AANAT: variants seen among roughly 807,000 people sequenced by gnomAD.
The protein encoded by AANAT is aralkylamine N-acetyltransferase, also known as serotonin N-acetyltransferase.
A neutral mutation model predicts 15.6 loss-of-function variants in AANAT; 11 were observed. The ratio of observed to expected loss-of-function variants is 0.71; its 90% CI spans 0.44 to 1.17. AANAT has a LOEUF of 1.17. Among genes scored for constraint, AANAT ranks in the 50% most tolerant of loss-of-function variants. AANAT has a pLI of 0.00. For synonymous variants in AANAT, 139 were observed against 131.5 expected (o/e 1.06, Z -0.39); for missense variants, 286 against 296.3 (o/e 0.97, Z 0.26).
At chr17:76,461,350 C>T (rs1376848677) in intron 2 of AANAT, among the ~76,000 whole-genome samples, 1 of 151,804 alleles carries the variant, frequency 6.6e-6, no homozygotes, top group Non-Finnish European at 1.5e-5. Flanking sequence ...CATCCCTCTC[C>T]AAACACTGCC....
chr17:76,466,794 T>C (rs1252855790), upstream of AANAT, among the ~76,000 whole-genome samples: 2 of 152,176 alleles, frequency 1.3e-5, no homozygotes, highest in Non-Finnish European at 2.9e-5. Flanking sequence ...TAGCAAGTGC[T>C]GTAAGCAGTG....
At chr17:76,463,873 T>G (rs2073412653), upstream of AANAT, among the ~76,000 whole-genome samples, 1 of 152,170 alleles carries the variant, frequency 6.6e-6, no homozygotes, top group Non-Finnish European at 1.5e-5. Context: ...ATGATATCAG[T>G]TATCCGCTCA....
chr17:76,468,712 A>T lies in AANAT; in HGVS notation c.-35A>T, dbSNP rs1390316765. The T allele has an allele frequency of 6.3e-7, 1 of 1,591,332 alleles. No individual in the cohort carries two copies. The highest frequency in any genetic ancestry group is 1.8e-5 in the Admixed American group (1 of 56,628). On this transcript the variant is annotated 5_prime_UTR_variant, in exon 2 of 4. In the 5' UTR this introduces an upstream ATG that the reference lacks. Coordinates refer to ENST00000392492, the MANE Select transcript of AANAT (RefSeq NM_001088.3). ...CCTTGGCTTAGGAGGACACTTCCAAAGCTGGGGCGCCCCAAGGAGGCACCA... is the reference window on the plus strand; with the variant it reads ...CCTTGGCTTAGGAGGACACTTCCAATGCTGGGGCGCCCCAAGGAGGCACCA...
upstream of AANAT, among the ~76,000 whole-genome samples, chr17:76,464,321 C>T (rs2073417359): frequency 6.7e-6 from 1 of 148,358 alleles, no homozygotes; most frequent in Non-Finnish European, 1.5e-5. Flanking sequence ...CAGCCTGGGC[C>T]ACAGAGCAAG....
chr17:76,467,399 C>T (rs1354672721), upstream of AANAT: 1 of 292,374 alleles, frequency 3.4e-6, no homozygotes, highest in East Asian at 1.7e-4. Context: ...TGAGGCTTAG[C>T]CCCACGCTCT....
intron 1 of AANAT, among the ~76,000 whole-genome samples, chr17:76,454,859 G>T (rs1215310802): frequency 6.6e-6 from 1 of 152,170 alleles, no homozygotes; most frequent in Non-Finnish European, 1.5e-5. Context: ...GGATGTGGTG[G>T]CTCTTGCCTG....
At chr17:76,465,938 C>G, upstream of AANAT, 1 of 524,348 alleles carries the variant, frequency 1.9e-6, no homozygotes, top group Non-Finnish European at 3.5e-6. Context: ...CAGCCTCGAC[C>G]TCTCCGGCTC....
At chr17:76,460,129 AATTTTTTTTT>A (rs2073373621) in intron 2 of AANAT, among the ~76,000 whole-genome samples, 3 of 82,888 alleles carry the variant, frequency 3.6e-5, no homozygotes, top group African/African-American at 1.5e-4. Flanking sequence ...TACTTCAGGA[AATTTTTTTTT>A]TTTTTTTTTT....
upstream of AANAT, among the ~76,000 whole-genome samples, chr17:76,462,898 GAGGCATCGTCA>G (rs1413118913): frequency 6.6e-6 from 1 of 152,226 alleles, no homozygotes; most frequent in Admixed American, 6.5e-5. Context: ...CGGTATCTCA[GAGGCATCGTCA>G]AGGTGTCCCT....
Position 76,468,777 on chromosome 17 carries a change from C to T in AANAT, c.31C>T (p.Pro11Ser). The change falls in exon 2 of 4, where the codon CCT becomes TCT. Residue 11 changes from proline (P) to serine (S), a missense_variant. Physicochemically the swap from Pro to Ser is moderately conservative, Grantham distance 74. Coordinates refer to ENST00000392492, the MANE Select transcript of AANAT (RefSeq NM_001088.3). ...CACGCAGAGCACCCACCCCCTGAAA[C>T]CTGAGGCCCCACGTCTGCCACCTGG... is the stretch of plus-strand genomic sequence containing the variant. The part of the protein sequence containing the change: MSTQSTHPLK[P>S]EAPRLPPGIP... The T allele has an allele frequency of 6.2e-7, 1 of 1,613,358 alleles. No homozygotes were observed. The highest frequency in any genetic ancestry group is 8.5e-7 in the Non-Finnish European group (1 of 1,179,870).
upstream of AANAT, among the ~76,000 whole-genome samples, chr17:76,463,309 C>CTTT (rs60885549): frequency 1.4e-3 from 153 of 111,934 alleles, 10 homozygotes; most frequent in East Asian, 2.5e-3. Flanking sequence ...GGAAGGATTC[C>CTTT]TTTTTTTTTT....
At chr17:76,455,148 G>A (rs1040588553) in intron 1 of AANAT, among the ~76,000 whole-genome samples, 3 of 151,380 alleles carry the variant, frequency 2.0e-5, no homozygotes, top group South Asian at 2.1e-4. Flanking sequence ...ACTCTAGGCC[G>A]GGCACAGTGG....
intron 1 of AANAT, among the ~76,000 whole-genome samples, chr17:76,457,572 G>T (rs143980610): frequency 6.6e-6 from 1 of 152,276 alleles, no homozygotes; most frequent in Non-Finnish European, 1.5e-5. Flanking sequence ...TCTACTAAGT[G>T]CTTTACATAG....
At chr17:76,468,101 A>G (rs1016787886) in intron 1 of AANAT, among the ~76,000 whole-genome samples, 19 of 152,048 alleles carry the variant, frequency 1.2e-4, no homozygotes, top group African/African-American at 4.6e-4. Flanking sequence ...GAGGCTCCCT[A>G]AGGGCCCACT....
rs145923076 is a variant in AANAT at position 76,461,492 on chromosome 17, C to A, written c.-455-824C>A. 8.1e-3 allele frequency among the ~76,000 whole-genome samples: 1,229 copies of A among 151,256 alleles called. 20 individuals are homozygous for A. Among genetic ancestry groups the A allele is most frequent in the African/African-American group, 0.029 (1,184 of 41,178 alleles). ...GGGTATGGTGGTGGGCACCTGTAAT[C>A]CCAGCTACTTGGGAGGCTGAGGCAG... On this transcript the variant is annotated intron_variant, in intron 2 of 6. Coordinates refer to the AANAT transcript ENST00000250615.
rs756927358 is a variant in AANAT at position 76,469,359 on chromosome 17, GGAGGCCTCTGAAGACA to G, written c.318+37_318+52del. On this transcript the variant is annotated intron_variant, in intron 3 of 3. Transcript: ENST00000392492. The surrounding 1 kb of genome is among the most constrained non-coding windows in gnomAD (Gnocchi z 5.2). ...ACAGGGCTGCGACGCCCAGCTCCAG[GGAGGCCTCTGAAGACA>G]GAGGTCAGCCAGATGGCGGGGAGGG... The G allele has an allele frequency of 3.1e-6, 5 of 1,612,104 alleles. No homozygotes were observed. The South Asian group carries it at 4.4e-5, about 14-fold the overall frequency.
At chr17:76,466,063 C>G (rs771638625), upstream of AANAT, 3 of 957,622 alleles carry the variant, frequency 3.1e-6, no homozygotes, top group Non-Finnish European at 4.8e-6. Flanking sequence ...GGGTGTTGTC[C>G]GGAAAGAACA....
At chr17:76,461,164 T>TA (rs527608215) in intron 2 of AANAT, among the ~76,000 whole-genome samples, 1,448 of 138,388 alleles carry the variant, frequency 0.01, 12 homozygotes, top group African/African-American at 0.028. Flanking sequence ...GATTCCATCT[T>TA]AAAAAAAAAA....
Position 76,469,869 on chromosome 17 carries a change from G to GCCGTGGGCCCCTGCGCCATCA in AANAT, c.532_552dup (p.Pro178_Gly184dup). On this transcript the variant is annotated inframe_insertion, in exon 4 of 4. Transcript: ENST00000392492. The surrounding 1 kb of genome is among the most constrained non-coding windows in gnomAD (Gnocchi z 5.2). The stretch of plus-strand genomic sequence containing the variant: ...CTTCTATGAGAGGTTCAGCTTCCAC[G>GCCGTGGGCCCCTGCGCCATCA]CCGTGGGCCCCTGCGCCATCACCGT... 1.3e-6 allele frequency: 2 copies of GCCGTGGGCCCCTGCGCCATCA among 1,594,384 alleles called. No individual in the cohort carries two copies. Among genetic ancestry groups the GCCGTGGGCCCCTGCGCCATCA allele is most frequent in the Non-Finnish European group, 1.7e-6 (2 of 1,171,984 alleles).
Sources: gnomAD v4.1 joint callset for allele counts (sites outside exome capture counted in the v4.1 genomes callset) on GRCh38, gnomAD v4.1.1 for gene constraint, Gnocchi (gnomAD v3.1) non-coding constraint, MANE v1.5 for transcripts, NCBI Gene and HGNC (gene_info 2026-07-23, HGNC 2026-07-21) for gene names.